ANKRD44: variants seen among roughly 807,000 people sequenced by gnomAD.
ANKRD44 encodes the protein serine/threonine-protein phosphatase 6 regulatory ankyrin repeat subunit B.
A neutral mutation model predicts 116.0 loss-of-function variants in ANKRD44; 35 were observed. The ratio of observed to expected loss-of-function variants is 0.30; its 90% CI spans 0.23 to 0.40. ANKRD44 has a LOEUF of 0.40. ANKRD44 is among the 10% of genes least tolerant of loss of function. ANKRD44 has a pLI of 1.00. For missense variants in ANKRD44, 1,014 were observed against 1,242.6 expected, an observed-to-expected ratio of 0.82 and a Z score of 2.77; for synonymous variants, 435 against 461.8, an observed-to-expected ratio of 0.94 and a Z score of 0.74.
chr2:197,028,910 C>T (rs1425395871), intron 16 of ANKRD44: 2 of 156,346 alleles, frequency 1.3e-5, no homozygotes, highest in Non-Finnish European at 2.8e-5. Flanking sequence ...GTCTCTAGTG[C>T]TAGTGCTGCT....
intron 16 of ANKRD44, among the ~76,000 whole-genome samples, chr2:197,051,175 G>A (rs928234562): frequency 5.9e-5 from 9 of 152,054 alleles, no homozygotes; most frequent in African/African-American, 1.7e-4. Flanking sequence ...TGCCCAGGCT[G>A]GTCTCGAACT....
intron 17 of ANKRD44, among the ~76,000 whole-genome samples, chr2:197,018,529 C>T (rs1294517405): frequency 4.6e-5 from 7 of 152,170 alleles, no homozygotes; most frequent in Non-Finnish European, 1.0e-4. Flanking sequence ...ATAGGCTCTG[C>T]CCTCCACCTC....
At chr2:197,096,150 C>T (rs78505295) in intron 10 of ANKRD44, among the ~76,000 whole-genome samples, 5,298 of 152,246 alleles carry the variant, frequency 0.035, 129 homozygotes, top group Non-Finnish European at 0.052. Flanking sequence ...TGGCACCCAG[C>T]AATCGCTCTG....
At chr2:197,090,552 T>C (rs897335824) in intron 10 of ANKRD44, among the ~76,000 whole-genome samples, 1 of 149,386 alleles carries the variant, frequency 6.7e-6, no homozygotes, top group African/African-American at 2.5e-5. Flanking sequence ...AGTGCAGTGG[T>C]GCTGATACAA....
At chr2:197,289,180 T>C (rs1169741741) in intron 1 of ANKRD44, among the ~76,000 whole-genome samples, 1 of 152,168 alleles carries the variant, frequency 6.6e-6, no homozygotes, top group East Asian at 1.9e-4. Flanking sequence ...ATATGTAAAA[T>C]ATTATGTATC....
rs2075865072 is a variant in ANKRD44, at chr2:196,988,546, G to C, written c.*1045C>G. 1.0e-6 allele frequency: 1 copy of C among 984,754 alleles called. No individual in the cohort carries two copies. The highest frequency in any genetic ancestry group is 6.2e-5 in the Admixed American group (1 of 16,256). The allele number at this position is 984,754 out of a possible 1,614,324, so 61.0% of individuals were successfully genotyped here. On this transcript the variant is annotated 3_prime_UTR_variant, in exon 28 of 28. Transcript: ENST00000282272. ...CCAACAGGAGTTTTAATTAAATCCA[G>C]GATATTAAGAGTAAGATTAAAGTTT...
intron 27 of ANKRD44, 112 bp from the exon 28 acceptor site, chr2:196,989,761 T>C: frequency 2.0e-6 from 3 of 1,499,782 alleles, no homozygotes; most frequent in Non-Finnish European, 2.7e-6. Context: ...TTTCACTTTT[T>C]TTGTTCCTTT....
downstream of ANKRD44, among the ~76,000 whole-genome samples, chr2:196,986,287 C>A (rs899160354): frequency 6.6e-6 from 1 of 152,040 alleles, no homozygotes; most frequent in African/African-American, 2.4e-5. Context: ...TAGTGGTGCA[C>A]ATCTGTAGTC....
intron 3 of ANKRD44, among the ~76,000 whole-genome samples, chr2:197,143,498 A>G (rs945861190): frequency 6.6e-6 from 1 of 151,148 alleles, no homozygotes; most frequent in African/African-American, 2.4e-5. Flanking sequence ...ATGATTTCCA[A>G]TTTCATCCAT....
At chr2:196,979,122 C>T (rs1443388533) in intron 21 of ANKRD44, among the ~76,000 whole-genome samples, 12 of 151,978 alleles carry the variant, frequency 7.9e-5, no homozygotes, top group Admixed American at 7.9e-4. Flanking sequence ...AGGCGCCAGG[C>T]ACGGTGGCTC....
intron 16 of ANKRD44, among the ~76,000 whole-genome samples, chr2:197,060,206 T>C (rs779581188): frequency 7.9e-5 from 12 of 152,174 alleles, no homozygotes; most frequent in African/African-American, 1.9e-4. Flanking sequence ...CCCACTGAGA[T>C]AGTAAGCTCC....
chr2:197,072,154 T>G (rs1001226820), intron 16 of ANKRD44, among the ~76,000 whole-genome samples: 1 of 151,562 alleles, frequency 6.6e-6, no homozygotes, highest in African/African-American at 2.4e-5. Context: ...TGGGCCAGAT[T>G]AACTTATTTT....
At position 197,300,758 on chromosome 2, in the gene ANKRD44, CTT is replaced by C. The variant is rs112803787; in HGVS notation, c.27+9818_27+9819del. Among the ~76,000 whole-genome samples the C allele has an allele frequency of 1.5e-3, 187 of 122,674 alleles. 1 individual carries two copies. The highest frequency in any genetic ancestry group is 5.3e-3 in the African/African-American group (163 of 30,648). The allele number at this position is 122,674 out of a possible 152,430, so 80.5% of individuals were successfully genotyped here. A position where few individuals can be genotyped will look rare whatever the true frequency, so the allele number is the denominator to read the frequency against. Reference sequence around the variant, plus strand: ...ACTCGACCTCTCAGTTTTCATTTTCCTTTTTTTTTTTTTTTTTTTTTTGAGAC... The same window carrying C: ...ACTCGACCTCTCAGTTTTCATTTTCCTTTTTTTTTTTTTTTTTTTTGAGAC... On this transcript the variant is annotated intron_variant, in intron 1 of 27. Coordinates refer to ENST00000282272, the MANE Select transcript of ANKRD44 (RefSeq NM_001195144.2).
intron 9 of ANKRD44, among the ~76,000 whole-genome samples, chr2:197,109,815 T>G (rs1559070051): frequency 1.3e-5 from 2 of 152,180 alleles, no homozygotes; most frequent in African/African-American, 4.8e-5. Context: ...GAAGTGATGC[T>G]GCTGGCCATG....
intron 3 of ANKRD44, among the ~76,000 whole-genome samples, chr2:197,143,294 C>T (rs917991737): frequency 6.6e-6 from 1 of 150,598 alleles, no homozygotes; most frequent in African/African-American, 2.4e-5. Flanking sequence ...TGGTGTGCGA[C>T]ACCCATTAAC....
chr2:197,118,315 T>C (rs2078760975), intron 8 of ANKRD44, among the ~76,000 whole-genome samples: 1 of 151,490 alleles, frequency 6.6e-6, no homozygotes, highest in African/African-American at 2.4e-5. Context: ...AGTCTGGGCG[T>C]GGTGGCTCAC....
At chr2:197,280,659 G>A (rs1394262365) in intron 1 of ANKRD44, among the ~76,000 whole-genome samples, 3 of 152,134 alleles carry the variant, frequency 2.0e-5, no homozygotes, top group Non-Finnish European at 2.9e-5. Context: ...AGATTTTGGC[G>A]GACTAGGGAT....
intron 16 of ANKRD44, among the ~76,000 whole-genome samples, chr2:197,042,500 A>T (rs1462309379): frequency 2.5e-5 from 3 of 122,134 alleles, no homozygotes; most frequent in Admixed American, 1.6e-4. Context: ...CTCCACTACT[A>T]AAAAAAAAAA....
intron 16 of ANKRD44, among the ~76,000 whole-genome samples, chr2:197,043,576 C>T (rs1233400839): frequency 6.6e-6 from 1 of 151,972 alleles, no homozygotes; most frequent in African/African-American, 2.4e-5. Flanking sequence ...TAAATATTGA[C>T]AAAGTTTTGT....
Sources: allele counts gnomAD v4.1 joint callset (sites outside exome capture counted in the v4.1 genomes callset), GRCh38; gene constraint gnomAD v4.1.1; transcripts MANE v1.5; gene names NCBI Gene and HGNC (gene_info 2026-07-23, HGNC 2026-07-21).